The following EPHA5 variants were observed in gnomAD, a reference collection of about 807,000 sequenced individuals.
The protein encoded by EPHA5 is ephrin type-A receptor 5.
EPHA5 carries 60 observed loss-of-function variants against 105.0 expected under a neutral mutation model. The ratio of observed to expected loss-of-function variants is 0.57; its 90% CI spans 0.46 to 0.71. EPHA5 has a LOEUF of 0.71. Ranked by LOEUF, EPHA5 falls within the 30% of genes least tolerant of loss-of-function variation. The pLI is 0.00. For synonymous variants in EPHA5, 513 were observed against 449.1 expected (o/e 1.14, Z -1.80); for missense variants, 1,218 against 1,274.7 (o/e 0.96, Z 0.68).
intron 3 of EPHA5, among the ~76,000 whole-genome samples, chr4:65,521,380 C>G (rs12374318): frequency 0.26 from 38,679 of 151,640 alleles, 5,141 homozygotes; most frequent in African/African-American, 0.32. Flanking sequence ...GTCTTGAGGT[C>G]GGGGGAGTGG....
At chr4:65,519,928 G>T (rs980701819) in intron 3 of EPHA5, among the ~76,000 whole-genome samples, 12 of 152,018 alleles carry the variant, frequency 7.9e-5, no homozygotes, top group African/African-American at 2.4e-4. Flanking sequence ...CGAAGAATCA[G>T]TATTGTGAAA....
At chr4:65,473,042 C>G (rs1378103632) in intron 5 of EPHA5, among the ~76,000 whole-genome samples, 1 of 152,160 alleles carries the variant, frequency 6.6e-6, no homozygotes, top group East Asian at 1.9e-4. Flanking sequence ...CCACAGATAT[C>G]TAGGGCAGAG....
chr4:65,659,244 T>C (rs1749326253), intron 1 of EPHA5, among the ~76,000 whole-genome samples: 1 of 145,458 alleles, frequency 6.9e-6, no homozygotes, highest in Non-Finnish European at 1.5e-5. Context: ...GGATTTTGGG[T>C]ATGCATGCCG....
rs1316940637 is a variant in EPHA5 at position 65,367,424 on chromosome 4, C to T, written c.1794G>A (p.Arg598=). The T allele has an allele frequency of 6.2e-7, 1 of 1,611,918 alleles. No homozygotes were observed. Among genetic ancestry groups the T allele is most frequent in the Admixed American group, 1.7e-5 (1 of 59,902 alleles). ...AVVIGVLLSG[R]RCGYSKAKQD... ...GTTTTGCTTTGCTGTAGCCACACCG[C>T]CTGGAACAAAGTAAGCTAGAATTAG... is the stretch of plus-strand genomic sequence containing the variant. The change falls in exon 9 of 17, where the codon AGG becomes AGA. Residue 598 remains arginine, a splice_region_variant and synonymous_variant. Coordinates refer to ENST00000613740, the MANE Select transcript of EPHA5 (RefSeq NM_001281766.3).
chr4:65,613,953 A>G (rs935739988), intron 2 of EPHA5, among the ~76,000 whole-genome samples: 5 of 152,110 alleles, frequency 3.3e-5, no homozygotes, highest in Middle Eastern at 3.4e-3. Flanking sequence ...TCTATCAACA[A>G]TCGATATATT....
intron 3 of EPHA5, among the ~76,000 whole-genome samples, chr4:65,545,085 A>G (rs1737244398): frequency 6.6e-6 from 1 of 151,836 alleles, no homozygotes; most frequent in Non-Finnish European, 1.5e-5. Context: ...CATGGGGGCT[A>G]TTGTTCTTGT....
Position 65,414,409 on chromosome 4 carries a change from T to C in EPHA5, c.1562A>G (p.Lys521Arg). The change falls in exon 7 of 17, where the codon AAA (lysine) becomes AGA (arginine). Residue 521 changes from lysine (K) to arginine (R), a missense_variant. Physicochemically the swap from Lys to Arg is conservative, Grantham distance 26 (BLOSUM62 2). Transcript: ENST00000613740. ...QETSYTIIKS[K>R]ETTITAEGLK... is the part of the protein sequence containing the mutation. ...GCCCTCTGCAGTAATAGTTGTCTCT[T>C]TAGATTTGATAATCGTGTAGCTGGT... 6 of 1,613,996 alleles carry C rather than the reference T, an allele frequency of 3.7e-6. No homozygotes were observed. Among genetic ancestry groups the C allele is most frequent in the Non-Finnish European group, 5.1e-6 (6 of 1,179,882 alleles).
At chr4:65,379,057 C>G (rs2148925200) in intron 8 of EPHA5, among the ~76,000 whole-genome samples, 1 of 151,876 alleles carries the variant, frequency 6.6e-6, no homozygotes, top group Non-Finnish European at 1.5e-5. Flanking sequence ...AAATATACTT[C>G]TAGTTGAAAG....
chr4:65,452,114 G>T (rs866048573), intron 5 of EPHA5, among the ~76,000 whole-genome samples: 5 of 152,190 alleles, frequency 3.3e-5, no homozygotes, highest in African/African-American at 7.2e-5. Flanking sequence ...CAACAATAAT[G>T]AATAAAATTA....
At chr4:65,641,659 C>A (rs1286563485) in intron 2 of EPHA5, among the ~76,000 whole-genome samples, 1 of 152,026 alleles carries the variant, frequency 6.6e-6, no homozygotes, top group Non-Finnish European at 1.5e-5. Flanking sequence ...GAATCCCATA[C>A]ACATTTTTCA....
chr4:65,420,675 AT>A (rs1268667488), intron 5 of EPHA5, 110 bp from the exon 6 acceptor site: 7 of 1,045,988 alleles, frequency 6.7e-6, no homozygotes, highest in South Asian at 4.2e-5. Context: ...TATAAAAAAA[AT>A]CCCAATTAAA....
Position 65,499,100 on chromosome 4 carries a change from T to C in EPHA5, c.911-3557A>G, listed in dbSNP as rs145881098. Among the ~76,000 whole-genome samples the C allele has an allele frequency of 7.1e-3, 1,079 of 151,710 alleles. 15 individuals are homozygous for C. The highest frequency in any genetic ancestry group is 0.025 in the African/African-American group (1,041 of 41,468). ...TCCTTCAAGCTCCTTATGAGCTCTG[T>C]TTCTGTTACTATCAGCTGATACAGT... is the stretch of plus-strand genomic sequence containing the variant. On this transcript the variant is annotated intron_variant, in intron 3 of 16. Transcript: ENST00000613740.
At chr4:65,585,086 G>A (rs1741984803) in intron 3 of EPHA5, among the ~76,000 whole-genome samples, 1 of 150,354 alleles carries the variant, frequency 6.7e-6, no homozygotes, top group South Asian at 2.1e-4. Flanking sequence ...TTCACTACCT[G>A]CATGCATGCA....
In EPHA5 at chr4:65,351,606, G is replaced by A. The variant is rs1056327058; in HGVS notation, c.2236-8C>T. 1 of 1,612,464 alleles carries A rather than the reference G, an allele frequency of 6.2e-7. No individual in the cohort carries two copies. Among genetic ancestry groups the A allele is most frequent in the Non-Finnish European group, 8.5e-7 (1 of 1,178,998 alleles). On this transcript the variant is annotated splice_region_variant and splice_polypyrimidine_tract_variant and intron_variant, in intron 12 of 16. Coordinates refer to ENST00000613740, the MANE Select transcript of EPHA5 (RefSeq NM_001281766.3). ...GAACTGCCCATCGTTTTTCTGTAAAGACAATGTAGAAATATTAGTCTAGCA... is the reference window on the plus strand; with the variant it reads ...GAACTGCCCATCGTTTTTCTGTAAAAACAATGTAGAAATATTAGTCTAGCA...
intron 8 of EPHA5, among the ~76,000 whole-genome samples, chr4:65,397,755 C>T (rs1406003916): frequency 6.6e-6 from 1 of 152,096 alleles, no homozygotes; most frequent in African/African-American, 2.4e-5. Flanking sequence ...GATGATGGCT[C>T]CTTTCTTACC....
intron 12 of EPHA5, among the ~76,000 whole-genome samples, chr4:65,351,886 G>A (rs1360453481): frequency 2.6e-5 from 4 of 151,950 alleles, no homozygotes; most frequent in Non-Finnish European, 4.4e-5. Flanking sequence ...CATCAGAAGG[G>A]TTTGTTCACA....
At chr4:65,599,118 A>G (rs1020028738) in intron 3 of EPHA5, among the ~76,000 whole-genome samples, 2 of 152,144 alleles carry the variant, frequency 1.3e-5, no homozygotes, top group Non-Finnish European at 2.9e-5. Context: ...TCTATATTGA[A>G]GGAAGAAGGA....
chr4:65,629,439 A>G (rs1400474240), intron 2 of EPHA5, among the ~76,000 whole-genome samples: 1 of 152,210 alleles, frequency 6.6e-6, no homozygotes, highest in East Asian at 1.9e-4. Context: ...ATGATAAATA[A>G]AGACATACAA....
chr4:65,503,421 G>C (rs188559177), intron 3 of EPHA5, among the ~76,000 whole-genome samples: 1 of 151,774 alleles, frequency 6.6e-6, no homozygotes, highest in Non-Finnish European at 1.5e-5. Flanking sequence ...ACAGGAAATA[G>C]GTCCTACTTG....
Sources: allele counts gnomAD v4.1 joint callset (sites outside exome capture counted in the v4.1 genomes callset), GRCh38; gene constraint gnomAD v4.1.1; transcripts MANE v1.5; gene names NCBI Gene and HGNC (gene_info 2026-07-23, HGNC 2026-07-21).